UBE2QL1: variants seen among roughly 807,000 people sequenced by gnomAD.
UBE2QL1 encodes the protein ubiquitin conjugating enzyme E2 QL1, also known as ubiquitin-conjugating enzyme E2Q-like protein 1.
UBE2QL1 carries 5 observed loss-of-function variants against 12.6 expected under a neutral mutation model. That is an observed-to-expected ratio of 0.40 (90% CI 0.21 to 0.83). The LOEUF is 0.83. UBE2QL1 is among the 40% of genes least tolerant of loss of function. The pLI, the probability that UBE2QL1 is intolerant of heterozygous loss-of-function variation, is 0.37. For synonymous variants in UBE2QL1, 96 were observed against 94.5 expected, an observed-to-expected ratio of 1.02 and a Z score of -0.10; for missense variants, 99 against 222.6, an observed-to-expected ratio of 0.44 and a Z score of 3.53.
intron 1 of UBE2QL1, among the ~76,000 whole-genome samples, chr5:6,474,234 C>G (rs963427981): frequency 6.6e-6 from 1 of 152,242 alleles, no homozygotes; most frequent in Admixed American, 6.5e-5. Flanking sequence ...CGGTCTATGC[C>G]TGCATGTGGA....
Position 6,491,520 on chromosome 5 carries a change from A to T in UBE2QL1, c.*171A>T. 1 of 844,772 alleles carries T rather than the reference A, an allele frequency of 1.2e-6. No individual in the cohort carries two copies. The allele number at this position is 844,772 out of a possible 1,614,324, so 52.3% of individuals were successfully genotyped here. On this transcript the variant is annotated 3_prime_UTR_variant, in exon 2 of 2. Coordinates refer to ENST00000399816, the MANE Select transcript of UBE2QL1 (RefSeq NM_001145161.3). Reference sequence around the variant, plus strand: ...TGAAAAGATGTGTGTACAGAGAGGAAGAGGGAGCAAATGCCGTTCGGATTA... The same window carrying T: ...TGAAAAGATGTGTGTACAGAGAGGATGAGGGAGCAAATGCCGTTCGGATTA...
intron 1 of UBE2QL1, among the ~76,000 whole-genome samples, chr5:6,458,143 T>C (rs1739575087): frequency 6.6e-6 from 1 of 152,222 alleles, no homozygotes; most frequent in African/African-American, 2.4e-5. Context: ...TTGAACATAA[T>C]TGTTACATTG....
chr5:6,468,774 A>G (rs182661294), intron 1 of UBE2QL1, among the ~76,000 whole-genome samples: 3 of 152,264 alleles, frequency 2.0e-5, no homozygotes, highest in Admixed American at 2.0e-4. Context: ...AATTTTATTG[A>G]TCAAATTGTT....
chr5:6,488,046 A>C (rs1234018530), intron 1 of UBE2QL1, among the ~76,000 whole-genome samples: 3 of 152,228 alleles, frequency 2.0e-5, no homozygotes, highest in African/African-American at 7.2e-5. Context: ...TGAAAAAAAA[A>C]CTGTTAATTG....
At chr5:6,460,318 G>GT (rs1739625823) in intron 1 of UBE2QL1, among the ~76,000 whole-genome samples, 1 of 152,250 alleles carries the variant, frequency 6.6e-6, no homozygotes, top group African/African-American at 2.4e-5. Flanking sequence ...ATCAATAGAT[G>GT]TTCCTGCTTC....
At chr5:6,456,180 A>C (rs76540235) in intron 1 of UBE2QL1, among the ~76,000 whole-genome samples, 1,859 of 152,266 alleles carry the variant, frequency 0.012, 34 homozygotes, top group African/African-American at 0.042. Context: ...GAGAAGACAA[A>C]ACCCTTCACA....
At chr5:6,457,930 G>A (rs969811250) in intron 1 of UBE2QL1, among the ~76,000 whole-genome samples, 1 of 152,196 alleles carries the variant, frequency 6.6e-6, no homozygotes, top group African/African-American at 2.4e-5. Flanking sequence ...TCTGACACAT[G>A]GTACGGAATT....
chr5:6,471,235 A>C (rs1277745201), intron 1 of UBE2QL1, among the ~76,000 whole-genome samples: 1 of 152,210 alleles, frequency 6.6e-6, no homozygotes, highest in Non-Finnish European at 1.5e-5. Flanking sequence ...TATCTCCTGC[A>C]GCATAGCCCA....
Position 6,479,321 on chromosome 5 carries a change from G to T in UBE2QL1, c.355-11897G>T, listed in dbSNP as rs1023543935. On this transcript the variant is annotated intron_variant, in intron 1 of 1. Transcript: ENST00000399816. This position sits in a 1 kb window ranked among gnomAD's most constrained non-coding sequence, Gnocchi z 4.2. Reference sequence around the variant, plus strand: ...AGGAAGACCAACTGTGCAGGGAAAAGAGCTGGCCGGATTGTGATCTAAGAG... The same window carrying T: ...AGGAAGACCAACTGTGCAGGGAAAATAGCTGGCCGGATTGTGATCTAAGAG... 6.6e-6 allele frequency among the ~76,000 whole-genome samples: 1 copy of T among 152,182 alleles called. No individual in the cohort carries two copies. Among genetic ancestry groups the T allele is most frequent in the Non-Finnish European group, 1.5e-5 (1 of 68,042 alleles).
At chr5:6,468,949 GCCACAAGA>G (rs1169690660) in intron 1 of UBE2QL1, among the ~76,000 whole-genome samples, 1 of 152,202 alleles carries the variant, frequency 6.6e-6, no homozygotes, top group Admixed American at 6.5e-5. Flanking sequence ...CCACCGGTCT[GCCACAAGA>G]CTTGAGAAGA....
Position 6,476,145 on chromosome 5 carries a change from C to T in UBE2QL1, c.355-15073C>T, listed in dbSNP as rs1438950801. 6.6e-6 allele frequency among the ~76,000 whole-genome samples: 1 copy of T among 151,810 alleles called. No individual in the cohort carries two copies. The highest frequency in any genetic ancestry group is 1.5e-5 in the Non-Finnish European group (1 of 67,938). On this transcript the variant is annotated intron_variant, in intron 1 of 1. Transcript: ENST00000399816. This position sits in a 1 kb window ranked among gnomAD's most constrained non-coding sequence, Gnocchi z 4.9. The stretch of plus-strand genomic sequence containing the variant: ...GAAAGCTCAGGGAGCTTTCCAGTGG[C>T]ACTGGGGCTCCCTTATTCCTAGGAG...
In UBE2QL1 at chr5:6,491,370, C is replaced by T. The variant is rs369721276; in HGVS notation, c.*21C>T. On this transcript the variant is annotated 3_prime_UTR_variant, in exon 2 of 2. Transcript: ENST00000399816. ...GCTGATGTCTGCCACGTGCAGTAGA[C>T]GCTCGAGCGCCTGTCCACACACACA... 60 of 1,539,318 alleles carry T rather than the reference C, an allele frequency of 3.9e-5. No homozygotes were observed. Among genetic ancestry groups the T allele is most frequent in the Non-Finnish European group, 4.8e-5 (55 of 1,141,912 alleles).
chr5:6,448,907 A>G lies in UBE2QL1; in HGVS notation c.14A>G (p.Gln5Arg), dbSNP rs1301606158. Reference protein sequence around the residue: MKELQDIARLSDRFI... With the variant: MKELRDIARLSDRFI... ...AGCCGGCGGCTCATGAAGGAGCTGC[A>G]GGACATCGCGCGCCTTAGCGACCGC... Residue 5 changes from glutamine to arginine, a missense_variant, in exon 1 of 2, where the codon CAG (glutamine) becomes CGG (arginine). Physicochemically the swap from Gln to Arg is conservative, Grantham distance 43 (BLOSUM62 1). Transcript: ENST00000399816. 5.9e-6 allele frequency: 9 copies of G among 1,537,458 alleles called. No individual in the cohort carries two copies. Among genetic ancestry groups the G allele is most frequent in the Non-Finnish European group, 7.0e-6 (8 of 1,141,088 alleles).
At chr5:6,469,869 G>A (rs1739873233) in intron 1 of UBE2QL1, among the ~76,000 whole-genome samples, 1 of 152,098 alleles carries the variant, frequency 6.6e-6, no homozygotes, top group South Asian at 2.1e-4. Flanking sequence ...ATTTATTAGA[G>A]AAGGAGATGG....
intron 1 of UBE2QL1, among the ~76,000 whole-genome samples, chr5:6,469,108 C>G (rs1273211430): frequency 6.6e-6 from 1 of 152,222 alleles, no homozygotes; most frequent in Non-Finnish European, 1.5e-5. Context: ...TTGAACTCTG[C>G]AAGAGCAGGG....
At chr5:6,469,005 G>A (rs1034213348) in intron 1 of UBE2QL1, among the ~76,000 whole-genome samples, 1 of 152,236 alleles carries the variant, frequency 6.6e-6, no homozygotes. Context: ...TGCAGAGGCT[G>A]ACAGACTTGT....
chr5:6,475,905 A>G (rs1734217640), intron 1 of UBE2QL1, among the ~76,000 whole-genome samples: 1 of 152,152 alleles, frequency 6.6e-6, no homozygotes, highest in Non-Finnish European at 1.5e-5. Flanking sequence ...CTGGGCAGAA[A>G]CGCACAGGCT....
intron 1 of UBE2QL1, among the ~76,000 whole-genome samples, chr5:6,480,859 G>C (rs1386579704): frequency 1.3e-5 from 2 of 152,264 alleles, no homozygotes; most frequent in East Asian, 3.9e-4. Context: ...TTTTAAGAAA[G>C]AGTTTCTGAG....
chr5:6,473,432 G>A (rs1479717496), intron 1 of UBE2QL1, among the ~76,000 whole-genome samples: 2 of 152,198 alleles, frequency 1.3e-5, no homozygotes, highest in East Asian at 1.9e-4. Context: ...GAGCATGTCA[G>A]CATCAGCGCC....
Sources: gnomAD v4.1 joint callset for allele counts (sites outside exome capture counted in the v4.1 genomes callset) on GRCh38, gnomAD v4.1.1 for gene constraint, Gnocchi (gnomAD v3.1) non-coding constraint, MANE v1.5 for transcripts, NCBI Gene and HGNC (gene_info 2026-07-23, HGNC 2026-07-21) for gene names.